KDM4C: variants seen among roughly 807,000 people sequenced by gnomAD.
KDM4C encodes the protein lysine-specific demethylase 4C.
Under a neutral mutation model 129.3 loss-of-function variants are expected in KDM4C, and 81 were observed. That is an observed-to-expected ratio of 0.63 (90% confidence interval 0.52 to 0.75). The LOEUF (loss-of-function observed/expected upper bound fraction) is 0.75, where lower values mean the gene tolerates loss of function less well. KDM4C is among the 30% of genes least tolerant of loss of function. KDM4C has a pLI of 0.00. For synonymous variants in KDM4C, 573 were observed against 456.1 expected (o/e 1.26, Z -3.26); for missense variants, 1,457 against 1,304.0 (o/e 1.12, Z -1.81).
intron 6 of KDM4C, among the ~76,000 whole-genome samples, chr9:6,882,540 G>A (rs527972758): frequency 2.6e-5 from 4 of 152,152 alleles, no homozygotes; most frequent in Non-Finnish European, 5.9e-5. Context: ...TTGGTTACTC[G>A]TCCAAAATAT....
rs947612589 is a variant in KDM4C at position 7,102,121 on chromosome 9, A to AT, written c.2425-1558dup. ...ATTTGTGTGTGTATATATGTGTGTG[A>AT]TTTTTTAATCAGTTAAGCCACATCC... On this transcript the variant is annotated intron_variant, in intron 17 of 21. Coordinates refer to ENST00000381309, the MANE Select transcript of KDM4C (RefSeq NM_015061.6). Among the ~76,000 whole-genome samples, 100 of 152,236 alleles carry AT rather than the reference A, an allele frequency of 6.6e-4. 1 individual carries two copies. The highest frequency in any genetic ancestry group is 1.3e-3 in the African/African-American group (54 of 41,542).
intron 5 of KDM4C, among the ~76,000 whole-genome samples, chr9:6,863,518 T>A (rs865805770): frequency 6.6e-6 from 1 of 151,864 alleles, no homozygotes; most frequent in East Asian, 1.9e-4. Context: ...GAGAAGGGGC[T>A]GGGCACCATG....
chr9:6,844,421 C>G (rs1046400121), intron 4 of KDM4C, among the ~76,000 whole-genome samples: 2 of 152,170 alleles, frequency 1.3e-5, no homozygotes, highest in African/African-American at 4.8e-5. Flanking sequence ...GTTTTACTGA[C>G]TTAAACATTT....
At chr9:6,957,745 G>T (rs1829327471) in intron 8 of KDM4C, among the ~76,000 whole-genome samples, 1 of 152,132 alleles carries the variant, frequency 6.6e-6, no homozygotes, top group Non-Finnish European at 1.5e-5. Context: ...TGGGGAGGGG[G>T]TGAAAACATG....
chr9:7,089,928 A>T (rs537375270), intron 17 of KDM4C, among the ~76,000 whole-genome samples: 1 of 152,324 alleles, frequency 6.6e-6, no homozygotes, highest in East Asian at 1.9e-4. Context: ...TCCATTCCTA[A>T]GCTTGAACTG....
intron 17 of KDM4C, among the ~76,000 whole-genome samples, chr9:7,100,265 G>C (rs1421818709): frequency 6.6e-6 from 1 of 152,180 alleles, no homozygotes; most frequent in Non-Finnish European, 1.5e-5. Flanking sequence ...GTCTCAGTAG[G>C]TTAGGGATAC....
At chr9:6,945,169 C>A (rs1458193239) in intron 8 of KDM4C, among the ~76,000 whole-genome samples, 1 of 152,130 alleles carries the variant, frequency 6.6e-6, no homozygotes, top group Non-Finnish European at 1.5e-5. Context: ...TGCTCACATG[C>A]TCATAAAAAT....
intron 3 of KDM4C, among the ~76,000 whole-genome samples, chr9:6,809,405 A>G (rs1008463752): frequency 3.9e-5 from 6 of 152,208 alleles, no homozygotes; most frequent in African/African-American, 1.4e-4. Context: ...TTTAGTACCC[A>G]TTTCCAGTGT....
intron 5 of KDM4C, among the ~76,000 whole-genome samples, chr9:6,865,525 T>C (rs1228874592): frequency 6.6e-6 from 1 of 152,160 alleles, no homozygotes; most frequent in Non-Finnish European, 1.5e-5. Context: ...TCTATGACTT[T>C]GCGTTATTGT....
chr9:6,973,639 C>A (rs1038970391), intron 8 of KDM4C, among the ~76,000 whole-genome samples: 1 of 152,158 alleles, frequency 6.6e-6, no homozygotes, highest in Non-Finnish European at 1.5e-5. Context: ...TTGTTTCTCT[C>A]AAGTGAGAGC....
At chr9:6,862,942 C>G (rs1317627510) in intron 5 of KDM4C, among the ~76,000 whole-genome samples, 1 of 152,152 alleles carries the variant, frequency 6.6e-6, no homozygotes. Context: ...TTATGGACCC[C>G]TTTAAGCCAC....
intron 12 of KDM4C, among the ~76,000 whole-genome samples, chr9:7,004,903 C>T (rs936464106): frequency 2.0e-5 from 3 of 152,168 alleles, no homozygotes; most frequent in Non-Finnish European, 4.4e-5. Context: ...CAGACCCTGA[C>T]CCAATGACTG....
intron 4 of KDM4C, 90 bp from the exon 5 acceptor site, chr9:6,849,417 T>G: frequency 2.8e-6 from 3 of 1,066,816 alleles, no homozygotes; most frequent in Non-Finnish European, 4.0e-6. Flanking sequence ...AATGTAATAA[T>G]TTTGGTGGAT....
chr9:6,843,735 A>C (rs1316090772), intron 4 of KDM4C, among the ~76,000 whole-genome samples: 2 of 152,214 alleles, frequency 1.3e-5, no homozygotes, highest in Non-Finnish European at 2.9e-5. Flanking sequence ...TTTCAGATTG[A>C]AATTCTTCAT....
At chr9:6,833,900 A>G (rs1835363229) in intron 4 of KDM4C, among the ~76,000 whole-genome samples, 1 of 152,208 alleles carries the variant, frequency 6.6e-6, no homozygotes, top group Non-Finnish European at 1.5e-5. Context: ...AGAGCCGTGA[A>G]GAATGTTTGT....
chr9:6,944,481 A>G (rs1205599210), intron 8 of KDM4C, among the ~76,000 whole-genome samples: 1 of 152,068 alleles, frequency 6.6e-6, no homozygotes, highest in Non-Finnish European at 1.5e-5. Context: ...TGCTTTCATC[A>G]CCTAAATTAG....
At chr9:6,920,236 C>T (rs1331790722) in intron 8 of KDM4C, among the ~76,000 whole-genome samples, 2 of 152,008 alleles carry the variant, frequency 1.3e-5, no homozygotes, top group African/African-American at 4.8e-5. Context: ...CACTCAGGAT[C>T]AGTTGTGCCA....
intron 2 of KDM4C, among the ~76,000 whole-genome samples, chr9:6,797,532 C>T (rs1417803763): frequency 6.6e-6 from 1 of 152,184 alleles, no homozygotes; most frequent in Non-Finnish European, 1.5e-5. Context: ...GCAGTCTCTT[C>T]ACATGTAAAA....
At chr9:7,092,747 A>G (rs1835947054) in intron 17 of KDM4C, among the ~76,000 whole-genome samples, 1 of 152,190 alleles carries the variant, frequency 6.6e-6, no homozygotes, top group Non-Finnish European at 1.5e-5. Flanking sequence ...ATAGAAGACC[A>G]CACTTTAGTT....
Sources: gnomAD v4.1 joint callset for allele counts (sites outside exome capture counted in the v4.1 genomes callset) on GRCh38, gnomAD v4.1.1 for gene constraint, MANE v1.5 for transcripts, NCBI Gene and HGNC (gene_info 2026-07-23, HGNC 2026-07-21) for gene names.